Variants in DAXX observed in about 807,000 individuals in gnomAD.
The protein encoded by DAXX is death domain-associated protein 6.
Under a neutral mutation model 61.9 loss-of-function variants are expected in DAXX, and 24 were observed. The ratio of observed to expected loss-of-function variants is 0.39; its 90% CI spans 0.28 to 0.55. The LOEUF (loss-of-function observed/expected upper bound fraction) is 0.55. DAXX is among the 20% of genes least tolerant of loss of function. The pLI is 0.69. For synonymous variants in DAXX, 357 were observed against 369.5 expected, an observed-to-expected ratio of 0.97 and a Z score of 0.39; for missense variants, 819 against 935.3, an observed-to-expected ratio of 0.88 and a Z score of 1.62.
intron 7 of DAXX, 36 bp from the exon 8 acceptor site, chr6:33,318,838 C>T (rs2150986263): frequency 1.5e-6 from 2 of 1,358,880 alleles, no homozygotes; most frequent in Non-Finnish European, 2.1e-6. Context: ...TCAAAGAGAT[C>T]TGGAGTACAG....
chr6:33,318,678 C>T lies in DAXX; in HGVS notation c.*65G>A, dbSNP rs984609632. 7 of 707,174 alleles carry T rather than the reference C, an allele frequency of 9.9e-6. No homozygotes were observed. The African/African-American group carries it at 1.3e-4, about 13-fold the overall frequency. 43.8% of individuals were successfully genotyped at this position (707,174 alleles called of 1,614,324 possible). A position where few individuals can be genotyped will look rare whatever the true frequency, so the allele number is the denominator to read the frequency against. On this transcript the variant is annotated 3_prime_UTR_variant, in exon 8 of 8. Transcript: ENST00000374542. ...CTTAGTCCATCCCTTCCTCAGTCAT[C>T]TGCTTCCCACCTTCCTCCAAATGTT...
Position 33,318,611 on chromosome 6 carries a change from CT to C in DAXX, c.*131del, listed in dbSNP as rs34281918. 0.08 allele frequency: 30,916 copies of C among 387,364 alleles called. 105 individuals are homozygous for C. Among genetic ancestry groups the C allele is most frequent in the East Asian group, 0.12 (2,836 of 24,280 alleles). The allele number at this position is 387,364 out of a possible 1,614,324, so 24.0% of individuals were successfully genotyped here. A position where few individuals can be genotyped will look rare whatever the true frequency, so the allele number is the denominator to read the frequency against. On this transcript the variant is annotated 3_prime_UTR_variant, in exon 8 of 8. Coordinates refer to ENST00000374542, the MANE Select transcript of DAXX (RefSeq NM_001141969.2). Reference sequence around the variant, plus strand: ...TTAATGTTTCTGTGTAAAACTTAAGCTTTTTTTTTTTTTTAAAGAAACACCA... The same window carrying C: ...TTAATGTTTCTGTGTAAAACTTAAGCTTTTTTTTTTTTTAAAGAAACACCA...
chr6:33,321,755 T>A lies in DAXX; in HGVS notation c.171A>T (p.Lys57Asn), dbSNP rs1770648380. ...ARGSSSSGGK[K>N]CYKLENEKLF... is the part of the protein sequence containing the mutation. ...GCTTCTCATTCTCCAGCTTGTAGCA[T>A]TTCTTGCCGCCCGAACTACTGCTTC... Residue 57 changes from lysine (K) to asparagine (N), a missense_variant, in exon 2 of 8, where the codon AAA (lysine) becomes AAT (asparagine). Coordinates refer to ENST00000374542, the MANE Select transcript of DAXX (RefSeq NM_001141969.2). The surrounding 1 kb of genome is among the most constrained non-coding windows in gnomAD (Gnocchi z 7.2). The A allele has an allele frequency of 6.2e-7, 1 of 1,613,532 alleles. No individual in the cohort carries two copies. Among genetic ancestry groups the A allele is most frequent in the Admixed American group, 1.7e-5 (1 of 60,022 alleles).
At position 33,321,634 on chromosome 6, in the gene DAXX, TG is replaced by T. The variant is rs895999341; in HGVS notation, c.208-68del. The T allele has an allele frequency of 9.9e-5, 155 of 1,563,138 alleles. No individual in the cohort carries two copies. The highest frequency in any genetic ancestry group is 1.3e-4 in the Non-Finnish European group (146 of 1,142,502). ...GGAGGGGGTTGAGAGAAAGGGGAGGTGGGGTTAGTGGGAAAGAAAGGACAGG... is the reference window on the plus strand; with the variant it reads ...GGAGGGGGTTGAGAGAAAGGGGAGGTGGGTTAGTGGGAAAGAAAGGACAGG... On this transcript the variant is annotated intron_variant, in intron 2 of 7. Coordinates refer to ENST00000374542, the MANE Select transcript of DAXX (RefSeq NM_001141969.2). The surrounding 1 kb of genome is among the most constrained non-coding windows in gnomAD (Gnocchi z 7.2).
rs749468924 is a variant in DAXX at position 33,321,902 on chromosome 6, G to A, written c.24C>T (p.Ile8=). 2 of 1,608,582 alleles carry A rather than the reference G, an allele frequency of 1.2e-6. No individual in the cohort carries two copies. The highest frequency in any genetic ancestry group is 1.1e-5 in the South Asian group (1 of 90,962). ...CATCTTCGTCATCATCATCCAGCACGATGATGCTGTTAGCGGTGGCCATAG... is the reference window on the plus strand; with the variant it reads ...CATCTTCGTCATCATCATCCAGCACAATGATGCTGTTAGCGGTGGCCATAG... The part of the protein sequence containing the change: MATANSI[I]VLDDDDEDEA... Residue 8 remains isoleucine, a synonymous_variant, in exon 2 of 8, where the codon ATC becomes ATT. Transcript: ENST00000374542. This position sits in a 1 kb window ranked among gnomAD's most constrained non-coding sequence, Gnocchi z 7.2.
At chr6:33,322,820 TC>T in intron 1 of DAXX, 41 bp downstream of exon 1, 1 of 956,820 alleles carries the variant, frequency 1.0e-6, no homozygotes, top group Non-Finnish European at 1.6e-6. Flanking sequence ...TCCCTCTATA[TC>T]CCCGCCCCCG....
intron 5 of DAXX, 40 bp from the exon 6 acceptor site, chr6:33,319,894 A>C (rs776581247): frequency 6.3e-7 from 1 of 1,595,162 alleles, no homozygotes; most frequent in Non-Finnish European, 8.5e-7. Context: ...CCTGAGAATG[A>C]GGGGGAAAAA....
intron 6 of DAXX, 54 bp downstream of exon 6, chr6:33,319,326 A>G: frequency 6.3e-7 from 1 of 1,575,040 alleles, no homozygotes; most frequent in Non-Finnish European, 8.6e-7. Context: ...TGCTCTCCGA[A>G]AGTCCCCTGC....
Position 33,319,852 on chromosome 6 carries a change from T to C in DAXX, c.1468A>G (p.Lys490Glu), listed in dbSNP as rs1267106054. Residue 490 changes from lysine to glutamate, a missense_variant and splice_region_variant, in exon 6 of 8, where the codon AAA becomes GAA. Coordinates refer to ENST00000374542, the MANE Select transcript of DAXX (RefSeq NM_001141969.2). ...EDEEEEAAAG[K>E]DGDKSPMSSL... ...GACATGGGGCTCTTGTCTCCATCTT[T>C]ACCTGGAAAAGAAGAAAAGGGGAGA... The C allele has an allele frequency of 6.2e-7, 1 of 1,605,348 alleles. No individual in the cohort carries two copies.
Position 33,318,589 on chromosome 6 carries a change from A to G in DAXX, c.*154T>C. ...AAGAAAAGAACTTTATTGTTTATTA[A>G]TGTTTCTGTGTAAAACTTAAGCTTT... On this transcript the variant is annotated 3_prime_UTR_variant, in exon 8 of 8. Coordinates refer to ENST00000374542, the MANE Select transcript of DAXX (RefSeq NM_001141969.2). 1 of 453,684 alleles carries G rather than the reference A, an allele frequency of 2.2e-6. No individual in the cohort carries two copies. The highest frequency in any genetic ancestry group is 3.9e-6 in the Non-Finnish European group (1 of 255,244). 28.1% of individuals were successfully genotyped at this position (453,684 alleles called of 1,614,324 possible).
In DAXX at chr6:33,319,817, C is replaced by A; in HGVS notation, c.1503G>T (p.Gln501His). ...GTTCCAGGTTCTTTTCATTGGAGAT[C>A]TGTAGTGAGGACATGGGGCTCTTGT... Reference protein sequence around the residue: ...DGDKSPMSSLQISNEKNLEPG... With the variant: ...DGDKSPMSSLHISNEKNLEPG... Residue 501 changes from glutamine to histidine, a missense_variant, in exon 6 of 8, where the codon CAG becomes CAT. Transcript: ENST00000374542. 6.2e-7 allele frequency: 1 copy of A among 1,613,866 alleles called. No homozygotes were observed. Among genetic ancestry groups the A allele is most frequent in the Non-Finnish European group, 8.5e-7 (1 of 1,179,944 alleles).
chr6:33,321,415 T>A lies in DAXX; in HGVS notation c.360A>T (p.Pro120=). ...SRVLSRARSR[P]AKLYVYINEL... ...CATTGATGTAGACATAGAGCTTGGCTGGCCGGCTCCGGGCCCGAGACAGGA... is the reference window on the plus strand; with the variant it reads ...CATTGATGTAGACATAGAGCTTGGCAGGCCGGCTCCGGGCCCGAGACAGGA... Residue 120 remains proline, a synonymous_variant, in exon 3 of 8, where the codon CCA becomes CCT. Coordinates refer to ENST00000374542, the MANE Select transcript of DAXX (RefSeq NM_001141969.2). This position sits in a 1 kb window ranked among gnomAD's most constrained non-coding sequence, Gnocchi z 7.2. The A allele has an allele frequency of 6.2e-7, 1 of 1,613,972 alleles. No individual in the cohort carries two copies. The highest frequency in any genetic ancestry group is 8.5e-7 in the Non-Finnish European group (1 of 1,179,902).
rs2150997169 is a variant in DAXX, at chr6:33,321,369, C to A, written c.406G>T (p.Ala136Ser). The A allele has an allele frequency of 6.2e-7, 1 of 1,613,680 alleles. No individual in the cohort carries two copies. The highest frequency in any genetic ancestry group is 1.1e-5 in the South Asian group (1 of 91,076). ...YINELCTVLKAHSAKKKLNLA... is the reference protein window; with the variant it reads ...YINELCTVLKSHSAKKKLNLA... ...TTCAGCTTCTTTTTGGCTGAGTGGG[C>A]CTTGAGAACAGTGCAGAGCTCATTG... The change falls in exon 3 of 8, where the codon GCC becomes TCC. Residue 136 changes from alanine to serine, a missense_variant. Physicochemically the swap from Ala to Ser is moderately conservative, Grantham distance 99. Transcript: ENST00000374542. This position sits in a 1 kb window ranked among gnomAD's most constrained non-coding sequence, Gnocchi z 7.2.
At chr6:33,322,154 T>TGTG (rs1554283446) in intron 1 of DAXX, 177 bp from the exon 2 acceptor site, 1 of 324,516 alleles carries the variant, frequency 3.1e-6, no homozygotes, top group South Asian at 6.3e-5. Context: ...TCAAGTGGTG[T>TGTG]GGGGGGGGGG....
In DAXX at chr6:33,321,940, C is replaced by G. The variant is rs772915148; in HGVS notation, c.-15G>C. On this transcript the variant is annotated 5_prime_UTR_variant, in exon 2 of 8. Coordinates refer to ENST00000374542, the MANE Select transcript of DAXX (RefSeq NM_001141969.2). The surrounding 1 kb of genome is among the most constrained non-coding windows in gnomAD (Gnocchi z 7.2). ...GCGGTGGCCATAGGGGATCAAATCC[C>G]CCGGAGGGAGGAAGTGGTGGGGATT... The G allele has an allele frequency of 6.3e-7, 1 of 1,599,402 alleles. No individual in the cohort carries two copies. Among genetic ancestry groups the G allele is most frequent in the Non-Finnish European group, 8.5e-7 (1 of 1,171,778 alleles).
Position 33,318,617 on chromosome 6 carries a change from T to A in DAXX, c.*126A>T. The A allele has an allele frequency of 2.2e-6, 1 of 449,810 alleles. No individual in the cohort carries two copies. The highest frequency in any genetic ancestry group is 5.6e-5 in the South Asian group (1 of 17,786). The allele number at this position is 449,810 out of a possible 1,614,324, so 27.9% of individuals were successfully genotyped here. On this transcript the variant is annotated 3_prime_UTR_variant, in exon 8 of 8. Transcript: ENST00000374542. ...TTTCTGTGTAAAACTTAAGCTTTTTTTTTTTTTTAAAGAAACACCACCAAA... is the reference window on the plus strand; with the variant it reads ...TTTCTGTGTAAAACTTAAGCTTTTTATTTTTTTTAAAGAAACACCACCAAA...
Position 33,319,193 on chromosome 6 carries a change from T to G in DAXX, c.1967A>C (p.His656Pro). 1 of 1,607,138 alleles carries G rather than the reference T, an allele frequency of 6.2e-7. No homozygotes were observed. Among genetic ancestry groups the G allele is most frequent in the Non-Finnish European group, 8.5e-7 (1 of 1,174,940 alleles). ...ACATATCTTTTTCCCATTCTTCTCA[T>G]GCACTGACCTTTGCCTTTCCACATA... ...NSYVERQRSV[H>P]EKNGKKICTL... is the part of the protein sequence containing the mutation. Residue 656 changes from histidine to proline, a missense_variant, in exon 7 of 8, where the codon CAT becomes CCT. His to Pro is a moderately conservative substitution (Grantham distance 77). Coordinates refer to ENST00000374542, the MANE Select transcript of DAXX (RefSeq NM_001141969.2).
At chr6:33,322,831 G>T in intron 1 of DAXX, 31 bp downstream of exon 1, 4 of 352,238 alleles carry the variant, frequency 1.1e-5, no homozygotes, top group Non-Finnish European at 1.5e-5. Flanking sequence ...CCCCGCCCCC[G>T]CCTCTGATCC....
In DAXX at chr6:33,320,728, C is replaced by T. The variant is rs1163226444; in HGVS notation, c.1039+8G>A. On this transcript the variant is annotated splice_region_variant and intron_variant, in intron 3 of 7. Coordinates refer to ENST00000374542, the MANE Select transcript of DAXX (RefSeq NM_001141969.2). This position sits in a 1 kb window ranked among gnomAD's most constrained non-coding sequence, Gnocchi z 7.1. ...GGGTCACTGAGAGGCATCCCACCAA[C>T]CCCCTACCTGGCCTATAGTCATCTG... 2 of 1,612,576 alleles carry T rather than the reference C, an allele frequency of 1.2e-6. No individual in the cohort carries two copies. The highest frequency in any genetic ancestry group is 1.7e-6 in the Non-Finnish European group (2 of 1,178,616).
Sources: allele counts gnomAD v4.1 joint callset, GRCh38; gene constraint gnomAD v4.1.1; non-coding constraint Gnocchi (gnomAD v3.1); transcripts MANE v1.5; gene names NCBI Gene and HGNC (gene_info 2026-07-23, HGNC 2026-07-21).